Variants in OR9A4 observed in about 807,000 individuals in gnomAD.
The protein encoded by OR9A4 is olfactory receptor 9A4.
OR9A4 carries 16 observed loss-of-function variants against 17.1 expected under a neutral mutation model. That is an observed-to-expected ratio of 0.94 (90% CI 0.64 to 1.43). OR9A4 has a LOEUF of 1.43. Ranked by LOEUF, OR9A4 falls within the 40% of genes most tolerant of loss-of-function variation. OR9A4 has a pLI of 0.00. For missense variants in OR9A4, 392 were observed against 382.1 expected, an observed-to-expected ratio of 1.03 and a Z score of -0.22; for synonymous variants, 167 against 143.3, an observed-to-expected ratio of 1.17 and a Z score of -1.18.
Position 141,919,779 on chromosome 7 carries a change from C to G in OR9A4, c.904C>G (p.Arg302Gly). Residue 302 changes from arginine (R) to glycine (G), a missense_variant, in exon 2 of 2, where the codon CGG becomes GGG. By Grantham distance (125) the Arg-to-Gly change is moderately radical. Transcript: ENST00000641559. ...LRNDKVIEAL[R>G]DGVKRCCQLF... is the part of the protein sequence containing the mutation. ...GAATGATAAAGTCATAGAGGCCCTT[C>G]GGGATGGGGTGAAACGCTGCTGTCA... is the stretch of plus-strand genomic sequence containing the variant. The G allele has an allele frequency of 6.2e-7, 1 of 1,613,942 alleles. No homozygotes were observed. Among genetic ancestry groups the G allele is most frequent in the Non-Finnish European group, 8.5e-7 (1 of 1,179,862 alleles).
Position 141,919,041 on chromosome 7 carries a change from T to A in OR9A4, c.166T>A (p.Ser56Thr), listed in dbSNP as rs1554439030. Residue 56 changes from serine (S) to threonine (T), a missense_variant, in exon 2 of 2, where the codon TCC (serine) becomes ACC (threonine). Transcript: ENST00000641559. ...TGTCTGTGTGGATAAACGTCTGCAG[T>A]CCCCCATGTATTTCTTCCTCGGCCA... Reference protein sequence around the residue: ...MIVCVDKRLQSPMYFFLGHLS... With the variant: ...MIVCVDKRLQTPMYFFLGHLS... 1 of 1,614,106 alleles carries A rather than the reference T, an allele frequency of 6.2e-7. No individual in the cohort carries two copies.
intron 1 of OR9A4, 148 bp from the exon 2 acceptor site, chr7:141,918,698 T>A (rs1189405715): frequency 1.8e-6 from 1 of 565,920 alleles, no homozygotes; most frequent in Non-Finnish European, 3.1e-6. Context: ...AGATATATAT[T>A]CTTCATGAAG....
Position 141,919,033 on chromosome 7 carries a change from G to A in OR9A4, c.158G>A (p.Arg53His), listed in dbSNP as rs149669506. ...ATCATGATTGTCTGTGTGGATAAAC[G>A]TCTGCAGTCCCCCATGTATTTCTTC... Reference protein sequence around the residue: ...VIIMIVCVDKRLQSPMYFFLG... With the variant: ...VIIMIVCVDKHLQSPMYFFLG... The change falls in exon 2 of 2, where the codon CGT (arginine) becomes CAT (histidine). Residue 53 changes from arginine to histidine, a missense_variant. Arg to His is a conservative substitution (Grantham distance 29). Transcript: ENST00000641559. The A allele has an allele frequency of 1.1e-4, 175 of 1,614,094 alleles. 1 individual carries two copies. In the African/African-American group the frequency reaches 1.9e-3, roughly 17 times the overall value.
Position 141,919,842 on chromosome 7 carries a change from A to G in OR9A4, c.*22A>G, listed in dbSNP as rs781956266. 10 of 1,544,866 alleles carry G rather than the reference A, an allele frequency of 6.5e-6. No homozygotes were observed. Among genetic ancestry groups the G allele is most frequent in the South Asian group, 5.8e-5 (5 of 85,936 alleles). The stretch of plus-strand genomic sequence containing the variant: ...TTAGCCTTGCTCTGAGGACTTTTAC[A>G]TGGTAAAGCACTTAGTATGGATTCT... On this transcript the variant is annotated 3_prime_UTR_variant, in exon 2 of 2. Transcript: ENST00000641559.
At chr7:141,918,824 T>C (rs1802225989) in intron 1 of OR9A4, 22 bp from the exon 2 acceptor site, 1 of 1,323,502 alleles carries the variant, frequency 7.6e-7, no homozygotes, top group East Asian at 2.3e-5. Flanking sequence ...TAAGCGGTTG[T>C]TCTCTCTCTT....
At chr7:141,917,210 T>A (rs1207847556) in intron 1 of OR9A4, among the ~76,000 whole-genome samples, 1 of 152,160 alleles carries the variant, frequency 6.6e-6, no homozygotes, top group Non-Finnish European at 1.5e-5. Flanking sequence ...GATAAATTAA[T>A]AAACAAGTAA....
Position 141,920,037 on chromosome 7 carries a change from G to T in OR9A4, c.*217G>T, listed in dbSNP as rs1488626196. Reference sequence around the variant, plus strand: ...TTTTTAAGACATGTCTTGCTATCTAGCTATCTATCTATCATCTGCCTTTCT... The same window carrying T: ...TTTTTAAGACATGTCTTGCTATCTATCTATCTATCTATCATCTGCCTTTCT... On this transcript the variant is annotated 3_prime_UTR_variant, in exon 2 of 2. Coordinates refer to ENST00000641559, the MANE Select transcript of OR9A4 (RefSeq NM_001001656.3). 15 of 465,794 alleles carry T rather than the reference G, an allele frequency of 3.2e-5. No homozygotes were observed. The highest frequency in any genetic ancestry group is 2.1e-4 in the African/African-American group (11 of 51,264). The allele number at this position is 465,794 out of a possible 1,614,324, so 28.9% of individuals were successfully genotyped here.
In OR9A4 at chr7:141,919,883, G is replaced by C. The variant is rs1802254299; in HGVS notation, c.*63G>C. The C allele has an allele frequency of 3.9e-6, 5 of 1,272,254 alleles. No homozygotes were observed. Among genetic ancestry groups the C allele is most frequent in the Non-Finnish European group, 5.5e-6 (5 of 914,728 alleles). 78.8% of individuals were successfully genotyped at this position (1,272,254 alleles called of 1,614,324 possible). Reference sequence around the variant, plus strand: ...TATGGATTCTAGAATAATCTGAAAAGAACTTGCTCATCTTTGAACTGCATC... The same window carrying C: ...TATGGATTCTAGAATAATCTGAAAACAACTTGCTCATCTTTGAACTGCATC... On this transcript the variant is annotated 3_prime_UTR_variant, in exon 2 of 2. Coordinates refer to ENST00000641559, the MANE Select transcript of OR9A4 (RefSeq NM_001001656.3).
At chr7:141,918,392 A>G (rs1802218628) in intron 1 of OR9A4, among the ~76,000 whole-genome samples, 2 of 152,356 alleles carry the variant, frequency 1.3e-5, no homozygotes, top group South Asian at 4.1e-4. Flanking sequence ...AGCGTGAGCC[A>G]CCGCACCCAG....
chr7:141,919,130 GCT>G lies in OR9A4; in HGVS notation c.257_258del (p.Leu86ProfsTer42), dbSNP rs1679933872. 1 of 1,613,984 alleles carries G rather than the reference GCT, an allele frequency of 6.2e-7. No homozygotes were observed. The highest frequency in any genetic ancestry group is 1.3e-5 in the African/African-American group (1 of 74,878). On this transcript the variant is annotated frameshift_variant, in exon 2 of 2. Transcript: ENST00000641559. LOFTEE classifies it high-confidence loss of function. ...TCCCCGTGATGCTTTGGGGATTGCT[GCT>G]CCCTGGGATGCAGACAATATATTTG... Reference protein sequence around the residue: ...IVPVMLWGLLLPGMQTIYLSA... With the variant: ...IVPVMLWGLLXPGMQTIYLSA...
chr7:141,917,518 C>T (rs1354019312), intron 1 of OR9A4, among the ~76,000 whole-genome samples: 1 of 152,178 alleles, frequency 6.6e-6, no homozygotes, highest in African/African-American at 2.4e-5. Context: ...CCAAGCTGCT[C>T]TAACAGACTG....
chr7:141,918,943 A>G lies in OR9A4; in HGVS notation c.68A>G (p.His23Arg), dbSNP rs1362911681. The G allele has an allele frequency of 1.9e-6, 3 of 1,614,126 alleles. No individual in the cohort carries two copies. The highest frequency in any genetic ancestry group is 2.2e-5 in the South Asian group (2 of 91,082). ...GGCTTCCCTGGCTCTGAAGAACTAC[A>G]TCATATCCTTTTTGCTATATTCTTC... is the stretch of plus-strand genomic sequence containing the variant. ...LLGFPGSEEL[H>R]HILFAIFFFF... The change falls in exon 2 of 2, where the codon CAT (histidine) becomes CGT (arginine). Residue 23 changes from histidine to arginine, a missense_variant. By Grantham distance (29) the His-to-Arg change is conservative. Coordinates refer to ENST00000641559, the MANE Select transcript of OR9A4 (RefSeq NM_001001656.3).
Position 141,919,322 on chromosome 7 carries a change from GGT to G in OR9A4, c.450_451del (p.Phe151TrpfsTer29). 1 of 1,614,150 alleles carries G rather than the reference GGT, an allele frequency of 6.2e-7. No homozygotes were observed. On this transcript the variant is annotated frameshift_variant, in exon 2 of 2. Transcript: ENST00000641559. LOFTEE classifies it high-confidence loss of function. ...GCAACTTTGTGGTTCTTGTGTCATG[GGT>G]GTTTGGGTTTCTTTTTCAAATCTGG... Reference protein sequence around the residue: ...TCNFVVLVSWVFGFLFQIWPV... With the variant: ...TCNFVVLVSWXFGFLFQIWPV...
At position 141,919,754 on chromosome 7, in the gene OR9A4, G is replaced by T; in HGVS notation, c.879G>T (p.Arg293=). The T allele has an allele frequency of 1.2e-6, 2 of 1,614,150 alleles. No homozygotes were observed. Among genetic ancestry groups the T allele is most frequent in the Non-Finnish European group, 8.5e-7 (1 of 1,180,026 alleles). The change falls in exon 2 of 2, where the codon CGG becomes CGT. Residue 293 remains arginine (R), a synonymous_variant. Transcript: ENST00000641559. ...TCAATCCTTTCATCTTCACCCTCCGGAATGATAAAGTCATAGAGGCCCTTC... is the reference window on the plus strand; with the variant it reads ...TCAATCCTTTCATCTTCACCCTCCGTAATGATAAAGTCATAGAGGCCCTTC... ...PFLNPFIFTL[R]NDKVIEALRD...
At chr7:141,916,874 G>A (rs1802193549) in intron 1 of OR9A4, among the ~76,000 whole-genome samples, 2 of 152,136 alleles carry the variant, frequency 1.3e-5, no homozygotes, top group African/African-American at 2.4e-5. Context: ...CACTACCCAA[G>A]TCCCTGCTCT....
rs992247458 is a variant in OR9A4, at chr7:141,919,562, G to A, written c.687G>A (p.Pro229=). The A allele has an allele frequency of 3.7e-6, 6 of 1,613,864 alleles. No individual in the cohort carries two copies. Among genetic ancestry groups the A allele is most frequent in the South Asian group, 2.2e-5 (2 of 91,076 alleles). ...TCATCTCCACCATTCTCAAGATCCCGTCATCCTCTGGCCGGAGGAAATCCT... is the reference window on the plus strand; with the variant it reads ...TCATCTCCACCATTCTCAAGATCCCATCATCCTCTGGCCGGAGGAAATCCT... ...AYIISTILKI[P]SSSGRRKSFS... The change falls in exon 2 of 2, where the codon CCG becomes CCA. Residue 229 remains proline (P), a synonymous_variant. Coordinates refer to ENST00000641559, the MANE Select transcript of OR9A4 (RefSeq NM_001001656.3).
rs143270548 is a variant in OR9A4 at position 141,920,037 on chromosome 7, G to GCTAT, written c.*227_*230dup. 3 of 465,904 alleles carry GCTAT rather than the reference G, an allele frequency of 6.4e-6. No individual in the cohort carries two copies. Among genetic ancestry groups the GCTAT allele is most frequent in the South Asian group, 4.2e-5 (1 of 23,882 alleles). 28.9% of individuals were successfully genotyped at this position (465,904 alleles called of 1,614,324 possible). On this transcript the variant is annotated 3_prime_UTR_variant, in exon 2 of 2. Coordinates refer to ENST00000641559, the MANE Select transcript of OR9A4 (RefSeq NM_001001656.3). The stretch of plus-strand genomic sequence containing the variant: ...TTTTTAAGACATGTCTTGCTATCTA[G>GCTAT]CTATCTATCTATCATCTGCCTTTCT...
In OR9A4 at chr7:141,919,496, C is replaced by T. The variant is rs1420211137; in HGVS notation, c.621C>T (p.Leu207=). The part of the protein sequence containing the change: ...FILFLMAVFV[L]FGSLIPTIVS... The stretch of plus-strand genomic sequence containing the variant: ...TCTTCTTAATGGCTGTTTTTGTTCT[C>T]TTTGGTTCTTTGATCCCTACAATTG... Residue 207 remains leucine (L), a synonymous_variant, in exon 2 of 2, where the codon CTC becomes CTT. Coordinates refer to ENST00000641559, the MANE Select transcript of OR9A4 (RefSeq NM_001001656.3). The T allele has an allele frequency of 6.2e-7, 1 of 1,614,072 alleles. No homozygotes were observed. The highest frequency in any genetic ancestry group is 8.5e-7 in the Non-Finnish European group (1 of 1,180,014).
chr7:141,917,629 T>C (rs1802206405), intron 1 of OR9A4, among the ~76,000 whole-genome samples: 1 of 152,166 alleles, frequency 6.6e-6, no homozygotes, highest in Non-Finnish European at 1.5e-5. Context: ...AGAGGATAAG[T>C]TACCTCCACA....
Sources: allele counts gnomAD v4.1 joint callset (sites outside exome capture counted in the v4.1 genomes callset), GRCh38; gene constraint gnomAD v4.1.1; transcripts MANE v1.5; gene names NCBI Gene and HGNC (gene_info 2026-07-23, HGNC 2026-07-21).